MYBPC2: variants seen among roughly 807,000 people sequenced by gnomAD.
MYBPC2 encodes myosin-binding protein C, fast-type.
MYBPC2 carries 122 observed loss-of-function variants against 137.0 expected under a neutral mutation model. That is an observed-to-expected ratio of 0.89 (90% CI 0.77 to 1.03). MYBPC2 has a LOEUF of 1.03. MYBPC2 is among the 50% of genes least tolerant of loss of function. The pLI is 0.00. For synonymous variants in MYBPC2, 626 were observed against 612.3 expected (o/e 1.02, Z -0.33); for missense variants, 1,500 against 1,534.4 (o/e 0.98, Z 0.37).
intron 7 of MYBPC2, 129 bp from the exon 8 acceptor site, chr19:50,440,751 C>A (rs539470837): frequency 3.4e-6 from 3 of 892,728 alleles, no homozygotes; most frequent in South Asian, 1.9e-5. Context: ...ATGGACCAGG[C>A]GGGAAACAAT....
At chr19:50,449,951 T>C (rs575971435) in intron 13 of MYBPC2, among the ~76,000 whole-genome samples, 2 of 151,918 alleles carry the variant, frequency 1.3e-5, no homozygotes, top group South Asian at 4.2e-4. Context: ...AGGTCAGGAG[T>C]TCGAGACCAG....
At chr19:50,455,376 T>C in intron 19 of MYBPC2, 80 bp downstream of exon 19, 1 of 1,562,900 alleles carries the variant, frequency 6.4e-7, no homozygotes, top group Middle Eastern at 1.7e-4. Flanking sequence ...CTCTGGCCCA[T>C]CTTTTGCCCG....
intron 20 of MYBPC2, among the ~76,000 whole-genome samples, chr19:50,456,050 T>TTCCA (rs902541368): frequency 2.1e-4 from 31 of 146,548 alleles, no homozygotes; most frequent in Admixed American, 3.4e-4. Flanking sequence ...CCATCCATAT[T>TTCCA]TCCATCCATC....
Position 50,452,508 on chromosome 19 carries a change from G to GTATCTATCTATCTATCTATCTATC in MYBPC2, c.1749+513_1749+536dup, listed in dbSNP as rs59342187. ...TGTATGTATGTATGTATGTATGTAT[G>GTATCTATCTATCTATCTATCTATC]TATCTATCTATCTATCTATCTATCT... On this transcript the variant is annotated intron_variant, in intron 16 of 27. Coordinates refer to ENST00000357701, the MANE Select transcript of MYBPC2 (RefSeq NM_004533.4). 4.0e-3 allele frequency among the ~76,000 whole-genome samples: 459 copies of GTATCTATCTATCTATCTATCTATC among 114,738 alleles called. 5 individuals are homozygous for GTATCTATCTATCTATCTATCTATC. Among genetic ancestry groups the GTATCTATCTATCTATCTATCTATC allele is most frequent in the Middle Eastern group, 0.01 (2 of 200 alleles). The allele number at this position is 114,738 out of a possible 152,430, so 75.3% of individuals were successfully genotyped here.
Position 50,458,388 on chromosome 19 carries a change from AT to A in MYBPC2, c.2339-197del, listed in dbSNP as rs1354516443. On this transcript the variant is annotated intron_variant, in intron 20 of 27. Transcript: ENST00000357701. Reference sequence around the variant, plus strand: ...GAGACTCCGTTTAAAAAAAAAAAAAATTAATGAGCGAACAGAATGGCCACCC... The same window carrying A: ...GAGACTCCGTTTAAAAAAAAAAAAAATAATGAGCGAACAGAATGGCCACCC... 2.6e-5 allele frequency among the ~76,000 whole-genome samples: 4 copies of A among 151,304 alleles called. No homozygotes were observed. The South Asian group carries it at 6.3e-4, about 24-fold the overall frequency.
chr19:50,456,079 A>ACCATCCAT (rs1568666470), intron 20 of MYBPC2, among the ~76,000 whole-genome samples: 1 of 118,440 alleles, frequency 8.4e-6, no homozygotes, highest in East Asian at 2.9e-4. Context: ...CATTCATCTT[A>ACCATCCAT]CCGTCCATCC....
intron 25 of MYBPC2, 92 bp from the exon 26 acceptor site, chr19:50,461,808 T>C: frequency 6.3e-7 from 1 of 1,582,310 alleles, no homozygotes; most frequent in Middle Eastern, 1.7e-4. Flanking sequence ...CGGCACCTAG[T>C]CATGGGAGAG....
intron 11 of MYBPC2, among the ~76,000 whole-genome samples, chr19:50,444,753 G>A (rs1449342295): frequency 5.3e-5 from 8 of 151,446 alleles, no homozygotes; most frequent in East Asian, 1.9e-4. Context: ...GTTGGCGGGC[G>A]CCTGTAGTCC....
At chr19:50,433,109 G>A in intron 1 of MYBPC2, 137 bp downstream of exon 1, 1 of 1,137,196 alleles carries the variant, frequency 8.8e-7, no homozygotes, top group Non-Finnish European at 1.2e-6. Flanking sequence ...TGCTGTGCGG[G>A]ATGGGGGTTC....
Position 50,465,403 on chromosome 19 carries a change from A to G in MYBPC2, c.3416-792A>G, listed in dbSNP as rs1246530245. ...CCAGTCAAGGCTCAGCGAGGAGGCC[A>G]CTAACCGTGTCCCTCAGAGCAGGAT... On this transcript the variant is annotated intron_variant, in intron 27 of 27. Coordinates refer to ENST00000357701, the MANE Select transcript of MYBPC2 (RefSeq NM_004533.4). This position sits in a 1 kb window ranked among gnomAD's most constrained non-coding sequence, Gnocchi z 4.5. 6.6e-6 allele frequency among the ~76,000 whole-genome samples: 1 copy of G among 152,198 alleles called. No individual in the cohort carries two copies. Among genetic ancestry groups the G allele is most frequent in the African/African-American group, 2.4e-5 (1 of 41,450 alleles).
chr19:50,461,150 C>T (rs757015388), intron 24 of MYBPC2, among the ~76,000 whole-genome samples: 7 of 152,026 alleles, frequency 4.6e-5, no homozygotes, highest in Non-Finnish European at 7.4e-5. Flanking sequence ...ACTACAGGTG[C>T]TGGCCACCAG....
chr19:50,445,739 T>A, intron 11 of MYBPC2, 141 bp from the exon 12 acceptor site: 1 of 809,726 alleles, frequency 1.2e-6, no homozygotes, highest in Non-Finnish European at 1.9e-6. Context: ...CCACTCAAGA[T>A]GCCTCTGCCA....
At chr19:50,436,959 A>G in intron 5 of MYBPC2, among the ~76,000 whole-genome samples, 1 of 152,180 alleles carries the variant, frequency 6.6e-6, no homozygotes, top group Non-Finnish European at 1.5e-5. Flanking sequence ...CTTGGGATGC[A>G]CATGCAAAGG....
chr19:50,464,402 G>C lies in MYBPC2; in HGVS notation c.3285G>C (p.Leu1095=). The change falls in exon 27 of 28, where the codon CTG becomes CTC. Residue 1095 remains leucine (L), a synonymous_variant. Coordinates refer to ENST00000357701, the MANE Select transcript of MYBPC2 (RefSeq NM_004533.4). ...AAATCCGTGAAGATCCCAAGTTCCT[G>C]ATAACCAATTACCAAGGAGTCCTGA... The part of the protein sequence containing the change: ...KMEIREDPKF[L]ITNYQGVLTL... 6.2e-7 allele frequency: 1 copy of C among 1,611,264 alleles called. No individual in the cohort carries two copies. Among genetic ancestry groups the C allele is most frequent in the South Asian group, 1.1e-5 (1 of 90,224 alleles).
chr19:50,453,962 G>C, intron 16 of MYBPC2, 58 bp from the exon 17 acceptor site: 1 of 1,527,774 alleles, frequency 6.5e-7, no homozygotes. Context: ...GGCAGAGGCA[G>C]GCCTGGGTTT....
chr19:50,452,368 T>G (rs1483299701), intron 16 of MYBPC2, among the ~76,000 whole-genome samples: 2 of 152,188 alleles, frequency 1.3e-5, no homozygotes, highest in Non-Finnish European at 2.9e-5. Flanking sequence ...CATCAACCAA[T>G]TTAGTTATCC....
chr19:50,438,843 G>A (rs1568658520), intron 7 of MYBPC2, among the ~76,000 whole-genome samples: 1 of 152,022 alleles, frequency 6.6e-6, no homozygotes, highest in Non-Finnish European at 1.5e-5. Flanking sequence ...TCCAGTCTGG[G>A]CAACAGAGTG....
At chr19:50,464,739 G>T (rs2040000002) in intron 27 of MYBPC2, among the ~76,000 whole-genome samples, 1 of 152,190 alleles carries the variant, frequency 6.6e-6, no homozygotes, top group Admixed American at 6.5e-5. Flanking sequence ...GCTTGGGAAG[G>T]AGTCAGATTT....
intron 13 of MYBPC2, among the ~76,000 whole-genome samples, chr19:50,449,218 T>C (rs890985324): frequency 1.3e-5 from 2 of 152,306 alleles, no homozygotes; most frequent in African/African-American, 4.8e-5. Context: ...ATTCATTTCA[T>C]CTTGAGCGTG....
Sources: allele counts gnomAD v4.1 joint callset (sites outside exome capture counted in the v4.1 genomes callset), GRCh38; gene constraint gnomAD v4.1.1; non-coding constraint Gnocchi (gnomAD v3.1); transcripts MANE v1.5; gene names NCBI Gene and HGNC (gene_info 2026-07-23, HGNC 2026-07-21).